Variants in LDLRAD3 observed in about 807,000 individuals in gnomAD.
LDLRAD3 encodes the protein low-density lipoprotein receptor class A domain-containing protein 3.
LDLRAD3 carries 20 observed loss-of-function variants against 29.4 expected under a neutral mutation model. That is an observed-to-expected ratio of 0.68 (90% CI 0.48 to 0.99). The LOEUF is 0.99. LDLRAD3 is among the 50% of genes least tolerant of loss of function. The probability of loss-of-function intolerance (pLI) is 0.00; values close to 1 mark genes in which losing one functional copy is unlikely to be tolerated. For synonymous variants in LDLRAD3, 157 were observed against 192.7 expected (o/e 0.81, Z 1.53); for missense variants, 420 against 454.3 (o/e 0.92, Z 0.69).
chr11:35,968,805 A>T lies in LDLRAD3; in HGVS notation c.46+24661A>T, dbSNP rs58182012. ...TTGCAAGAGAACACCGTGATTCTGC[A>T]GAAAGAGGAGAAAATTATTTAACCT... On this transcript the variant is annotated intron_variant, in intron 1 of 5. Coordinates refer to ENST00000315571, the MANE Select transcript of LDLRAD3 (RefSeq NM_174902.4). 160 of 153,038 alleles carry T rather than the reference A, an allele frequency of 1.0e-3. 1 individual carries two copies. In the East Asian group the frequency reaches 0.029, roughly 27 times the overall value. The allele number at this position is 153,038 out of a possible 1,614,324, so 9.5% of individuals were successfully genotyped here. A position where few individuals can be genotyped will look rare whatever the true frequency, so the allele number is the denominator to read the frequency against.
At chr11:35,956,182 T>C (rs1851198669) in intron 1 of LDLRAD3, among the ~76,000 whole-genome samples, 1 of 152,214 alleles carries the variant, frequency 6.6e-6, no homozygotes, top group Non-Finnish European at 1.5e-5. Flanking sequence ...AGCTTTCATG[T>C]TATTTAAATT....
chr11:35,958,327 T>C (rs571636699), intron 1 of LDLRAD3, among the ~76,000 whole-genome samples: 67 of 152,364 alleles, frequency 4.4e-4, no homozygotes, highest in African/African-American at 1.6e-3. Context: ...ACAGTGTTAC[T>C]GTAGAATAAT....
rs574184480 is a variant in LDLRAD3 at position 36,025,285 on chromosome 11, A to AT, written c.47-10811dup. ...TATAATAAAATTTTAGCAATGAAAC[A>AT]TTTTTTTAAAGGGTAGCGAAAAGTT... On this transcript the variant is annotated intron_variant, in intron 1 of 5. Coordinates refer to ENST00000315571, the MANE Select transcript of LDLRAD3 (RefSeq NM_174902.4). Among the ~76,000 whole-genome samples the AT allele has an allele frequency of 8.7e-3, 1,322 of 152,070 alleles. 18 individuals are homozygous for AT. The highest frequency in any genetic ancestry group is 0.03 in the African/African-American group (1,261 of 41,458).
intron 1 of LDLRAD3, among the ~76,000 whole-genome samples, chr11:36,030,936 G>A (rs572903047): frequency 2.6e-5 from 4 of 152,360 alleles, no homozygotes; most frequent in African/African-American, 9.6e-5. Context: ...AGTAATTTGA[G>A]TGGAATGCAG....
intron 1 of LDLRAD3, chr11:35,972,547 C>T (rs921750043): frequency 6.6e-6 from 1 of 152,056 alleles, no homozygotes; most frequent in Admixed American, 6.5e-5. Flanking sequence ...GGAAACCAGC[C>T]CTCAGATTCT....
rs141018089 is a variant in LDLRAD3 at position 36,098,406 on chromosome 11, T to C, written c.399T>C (p.Asp133=). 21 of 1,614,250 alleles carry C rather than the reference T, an allele frequency of 1.3e-5. No individual in the cohort carries two copies. Among genetic ancestry groups the C allele is most frequent in the Non-Finnish European group, 1.7e-5 (20 of 1,180,038 alleles). The change falls in exon 4 of 6, where the codon GAT becomes GAC. Residue 133 remains aspartate, a synonymous_variant. Coordinates refer to ENST00000315571, the MANE Select transcript of LDLRAD3 (RefSeq NM_174902.4). ...GTATTGACAAGAGCTTCATCTGCGA[T>C]GGACAGAATAACTGTCAAGACAACA... ...GLCIDKSFIC[D]GQNNCQDNSD...
chr11:36,077,568 A>G (rs61878974), intron 2 of LDLRAD3, among the ~76,000 whole-genome samples: 2,404 of 152,308 alleles, frequency 0.016, 38 homozygotes, highest in Middle Eastern at 0.044. Flanking sequence ...CAGGTATGCC[A>G]GCTGTGGTGG....
At chr11:36,139,328 C>T (rs1854046570) in intron 4 of LDLRAD3, among the ~76,000 whole-genome samples, 1 of 152,192 alleles carries the variant, frequency 6.6e-6, no homozygotes, top group African/African-American at 2.4e-5. Flanking sequence ...TTCCAGTCCG[C>T]ATAATTCATC....
chr11:36,148,450 A>G (rs577054759), intron 4 of LDLRAD3, among the ~76,000 whole-genome samples: 3 of 152,244 alleles, frequency 2.0e-5, no homozygotes, highest in Admixed American at 6.5e-5. Flanking sequence ...CTATTCCCTA[A>G]CGAGGACTTT....
intron 4 of LDLRAD3, among the ~76,000 whole-genome samples, chr11:36,103,351 C>T (rs1853478843): frequency 6.6e-6 from 1 of 151,516 alleles, no homozygotes; most frequent in Non-Finnish European, 1.5e-5. Flanking sequence ...CATTCTCCTG[C>T]CTCAGCCTCC....
At chr11:36,041,615 C>G (rs1285018978) in intron 2 of LDLRAD3, among the ~76,000 whole-genome samples, 1 of 152,212 alleles carries the variant, frequency 6.6e-6, no homozygotes, top group Non-Finnish European at 1.5e-5. Flanking sequence ...TTGATTAGTG[C>G]TCCCCTCTGT....
At chr11:36,161,788 G>A (rs1243676691) in intron 4 of LDLRAD3, among the ~76,000 whole-genome samples, 1 of 152,228 alleles carries the variant, frequency 6.6e-6, no homozygotes, top group Non-Finnish European at 1.5e-5. Flanking sequence ...CTGAGAACAA[G>A]TGTAAGTTCT....
intron 4 of LDLRAD3, among the ~76,000 whole-genome samples, chr11:36,134,307 C>T (rs192463828): frequency 3.3e-5 from 5 of 152,286 alleles, no homozygotes; most frequent in African/African-American, 9.6e-5. Context: ...CCTTAATATG[C>T]AGTGTCTGTT....
chr11:36,105,250 A>T (rs1295683628), intron 4 of LDLRAD3, among the ~76,000 whole-genome samples: 1 of 145,706 alleles, frequency 6.9e-6, no homozygotes, highest in African/African-American at 2.7e-5. Context: ...AGAGAGAGAG[A>T]GAGAGAGAGA....
chr11:35,975,827 G>A (rs1004836148), intron 1 of LDLRAD3, among the ~76,000 whole-genome samples: 1 of 144,236 alleles, frequency 6.9e-6, no homozygotes, highest in Non-Finnish European at 1.5e-5. Context: ...GGGAGCACTG[G>A]GGATTTTTTT....
At chr11:36,179,351 G>A (rs1854723100) in intron 4 of LDLRAD3, among the ~76,000 whole-genome samples, 1 of 152,170 alleles carries the variant, frequency 6.6e-6, no homozygotes, top group Non-Finnish European at 1.5e-5. Context: ...GCAGGTGCCT[G>A]TAATTCCAGC....
intron 1 of LDLRAD3, among the ~76,000 whole-genome samples, chr11:35,952,309 A>G (rs1408477686): frequency 6.6e-6 from 1 of 152,180 alleles, no homozygotes; most frequent in Admixed American, 6.5e-5. Flanking sequence ...GAAGAATTGC[A>G]CCGTCTACCT....
chr11:36,117,425 A>G (rs988174208), intron 4 of LDLRAD3, among the ~76,000 whole-genome samples: 23 of 152,060 alleles, frequency 1.5e-4, no homozygotes, highest in Non-Finnish European at 8.8e-5. Flanking sequence ...AGCAAAAACT[A>G]GAAAGAACTA....
At chr11:36,161,170 T>C (rs537027942) in intron 4 of LDLRAD3, among the ~76,000 whole-genome samples, 3 of 152,304 alleles carry the variant, frequency 2.0e-5, no homozygotes, top group African/African-American at 7.2e-5. Flanking sequence ...TTCTTTCTGA[T>C]TTCCCTTTCC....
Sources: gnomAD v4.1 joint callset for allele counts (sites outside exome capture counted in the v4.1 genomes callset) on GRCh38, gnomAD v4.1.1 for gene constraint, MANE v1.5 for transcripts, NCBI Gene and HGNC (gene_info 2026-07-23, HGNC 2026-07-21) for gene names.